The following NMNAT2 variants were observed in gnomAD, a reference collection of about 807,000 sequenced individuals.
The protein encoded by NMNAT2 is nicotinamide nucleotide adenylyltransferase 2.
Under a neutral mutation model 41.6 loss-of-function variants are expected in NMNAT2, and 11 were observed. The observed-to-expected ratio is 0.26, with a 90% CI of 0.17 to 0.44. The LOEUF is 0.44. Among genes scored for constraint, NMNAT2 ranks in the 20% least tolerant of loss-of-function variants. NMNAT2 has a pLI of 1.00. For missense variants in NMNAT2, 288 were observed against 407.7 expected, an observed-to-expected ratio of 0.71 and a Z score of 2.53; for synonymous variants, 148 against 151.2, an observed-to-expected ratio of 0.98 and a Z score of 0.16.
At chr1:183,388,275 C>T (rs887595242) in intron 1 of NMNAT2, among the ~76,000 whole-genome samples, 10 of 151,826 alleles carry the variant, frequency 6.6e-5, no homozygotes, top group South Asian at 6.2e-4. Context: ...AATATGGAGG[C>T]GCACACATTT....
intron 1 of NMNAT2, among the ~76,000 whole-genome samples, chr1:183,358,295 G>A (rs1663239012): frequency 6.6e-6 from 1 of 152,102 alleles, no homozygotes. Context: ...GGTGAGAGAG[G>A]ATCAGGAAAA....
chr1:183,261,423 C>G, intron 8 of NMNAT2, 120 bp from the exon 9 acceptor site: 1 of 873,064 alleles, frequency 1.1e-6, no homozygotes, highest in Non-Finnish European at 1.9e-6. Flanking sequence ...GCTTTAGTCC[C>G]AAACCGGCCT....
At chr1:183,293,660 G>C in intron 2 of NMNAT2, 45 bp downstream of exon 2, 1 of 1,389,774 alleles carries the variant, frequency 7.2e-7, no homozygotes, top group Non-Finnish European at 1.0e-6. Flanking sequence ...GCCAGGGATG[G>C]GGGGACGGGG....
intron 1 of NMNAT2, among the ~76,000 whole-genome samples, chr1:183,320,732 A>G (rs1029136109): frequency 1.3e-5 from 2 of 152,230 alleles, no homozygotes; most frequent in African/African-American, 2.4e-5. Flanking sequence ...CATTCACAGA[A>G]GTTGATCTAA....
intron 1 of NMNAT2, among the ~76,000 whole-genome samples, chr1:183,322,887 C>T (rs1662381969): frequency 6.6e-6 from 1 of 152,172 alleles, no homozygotes; most frequent in African/African-American, 2.4e-5. Context: ...ATCTGCTTGA[C>T]ATCTCTACCT....
intron 1 of NMNAT2, among the ~76,000 whole-genome samples, chr1:183,364,161 A>G (rs1003964371): frequency 6.6e-6 from 1 of 152,268 alleles, no homozygotes; most frequent in Non-Finnish European, 1.5e-5. Context: ...TTGAGCAAGT[A>G]CTATGTGCAA....
At chr1:183,363,589 C>CACACACAA (rs1663350277) in intron 1 of NMNAT2, among the ~76,000 whole-genome samples, 1 of 151,768 alleles carries the variant, frequency 6.6e-6, no homozygotes, top group South Asian at 2.1e-4. Flanking sequence ...TACACACACA[C>CACACACAA]ACACACACAC....
intron 1 of NMNAT2, among the ~76,000 whole-genome samples, chr1:183,337,096 G>A (rs1379218978): frequency 6.6e-6 from 1 of 152,186 alleles, no homozygotes; most frequent in Non-Finnish European, 1.5e-5. Flanking sequence ...AGAATGGTCT[G>A]TATCTTGATT....
intron 1 of NMNAT2, among the ~76,000 whole-genome samples, chr1:183,363,746 A>G (rs892325357): frequency 1.3e-5 from 2 of 152,218 alleles, no homozygotes; most frequent in Admixed American, 1.3e-4. Flanking sequence ...AAAATCTGCA[A>G]TTTTGAATAG....
At position 183,305,906 on chromosome 1, in the gene NMNAT2, G is replaced by A. The variant is rs1177209208; in HGVS notation, c.86-12113C>T. 2.0e-5 allele frequency among the ~76,000 whole-genome samples: 3 copies of A among 152,056 alleles called. No individual in the cohort carries two copies. The East Asian group carries it at 5.8e-4, about 29-fold the overall frequency. ...CGGCCAATTTTTTGTATTTTTAGTA[G>A]AGATGGGGTTTCACCATGTTGGCCA... On this transcript the variant is annotated intron_variant, in intron 1 of 10. Transcript: ENST00000287713.
intron 1 of NMNAT2, among the ~76,000 whole-genome samples, chr1:183,317,349 C>G (rs917888059): frequency 1.3e-5 from 2 of 152,216 alleles, no homozygotes; most frequent in African/African-American, 2.4e-5. Context: ...CCTCCTGGCT[C>G]AAGTGATCCT....
chr1:183,373,720 T>C (rs1663606694), intron 1 of NMNAT2, among the ~76,000 whole-genome samples: 1 of 151,284 alleles, frequency 6.6e-6, no homozygotes, highest in Non-Finnish European at 1.5e-5. Context: ...TGGGTTCAAG[T>C]GATTCTCCTC....
chr1:183,252,414 A>T lies in NMNAT2; in HGVS notation c.*227T>A. ...CTGCACTTCCCCCGACTCCCACCCC[A>T]TTCCCTCACCCACCCCCAACCCGGA... is the stretch of plus-strand genomic sequence containing the variant. On this transcript the variant is annotated 3_prime_UTR_variant, in exon 11 of 11. Transcript: ENST00000287713. The T allele has an allele frequency of 6.1e-6, 2 of 326,426 alleles. No homozygotes were observed. Among genetic ancestry groups the T allele is most frequent in the Middle Eastern group, 1.2e-3 (1 of 862 alleles). 20.2% of individuals were successfully genotyped at this position (326,426 alleles called of 1,614,324 possible).
intron 2 of NMNAT2, 75 bp from the exon 3 acceptor site, chr1:183,292,932 C>T: frequency 7.2e-7 from 1 of 1,388,816 alleles, no homozygotes; most frequent in Non-Finnish European, 1.0e-6. Context: ...AGCCCAAGCC[C>T]ACCCATTGTT....
intron 1 of NMNAT2, among the ~76,000 whole-genome samples, chr1:183,326,180 A>G (rs780889403): frequency 6.6e-6 from 1 of 152,106 alleles, no homozygotes; most frequent in Admixed American, 6.5e-5. Flanking sequence ...GTTCAAGACC[A>G]GCCTGGCCAA....
intron 1 of NMNAT2, among the ~76,000 whole-genome samples, chr1:183,356,845 A>C (rs1208989263): frequency 6.6e-6 from 1 of 152,226 alleles, no homozygotes; most frequent in Non-Finnish European, 1.5e-5. Context: ...AACCCAAGCA[A>C]CTTTTCATGC....
chr1:183,345,899 G>C (rs1662918826), intron 1 of NMNAT2, among the ~76,000 whole-genome samples: 1 of 152,174 alleles, frequency 6.6e-6, no homozygotes, highest in Non-Finnish European at 1.5e-5. Context: ...TGTTCGCCAG[G>C]ATGGTCTCGA....
chr1:183,318,400 C>T (rs1662296506), intron 1 of NMNAT2, among the ~76,000 whole-genome samples: 1 of 152,118 alleles, frequency 6.6e-6, no homozygotes, highest in Non-Finnish European at 1.5e-5. Flanking sequence ...AGGTGATGGC[C>T]CACAGGTGGG....
At chr1:183,297,033 T>C (rs1050927599) in intron 1 of NMNAT2, among the ~76,000 whole-genome samples, 1 of 151,506 alleles carries the variant, frequency 6.6e-6, no homozygotes, top group African/African-American at 2.4e-5. Flanking sequence ...CAGAACTTCT[T>C]TACTCTCCCT....
Sources: gnomAD v4.1 joint callset for allele counts (sites outside exome capture counted in the v4.1 genomes callset) on GRCh38, gnomAD v4.1.1 for gene constraint, MANE v1.5 for transcripts, NCBI Gene and HGNC (gene_info 2026-07-23, HGNC 2026-07-21) for gene names.